PFKFB4: variants seen among roughly 807,000 people sequenced by gnomAD.
PFKFB4 encodes the protein 6-phosphofructo-2-kinase/fructose-2,6-biphosphatase 4.
PFKFB4 carries 42 observed loss-of-function variants against 62.8 expected under a neutral mutation model. The ratio of observed to expected loss-of-function variants is 0.67; its 90% CI spans 0.52 to 0.86. The LOEUF is 0.86. Ranked by LOEUF, PFKFB4 falls within the 40% of genes least tolerant of loss-of-function variation. The probability of loss-of-function intolerance (pLI) is 0.00; values close to 1 mark genes in which losing one functional copy is unlikely to be tolerated. For missense variants in PFKFB4, 475 were observed against 627.2 expected, an observed-to-expected ratio of 0.76 and a Z score of 2.59; for synonymous variants, 204 against 240.7, an observed-to-expected ratio of 0.85 and a Z score of 1.41.
At chr3:48,539,360 A>G in intron 5 of PFKFB4, 50 bp from the exon 6 acceptor site, 1 of 1,500,754 alleles carries the variant, frequency 6.7e-7, no homozygotes, top group South Asian at 1.1e-5. Context: ...GAACACGGAC[A>G]TGTTCAGGGC....
upstream of PFKFB4, among the ~76,000 whole-genome samples, chr3:48,560,201 GCA>G (rs1273678186): frequency 6.6e-6 from 1 of 151,876 alleles, no homozygotes; most frequent in Non-Finnish European, 1.5e-5. Flanking sequence ...ACACACAGAC[GCA>G]CACACACTCA....
At chr3:48,549,764 C>CA (rs2043074031) in intron 3 of PFKFB4, 100 bp downstream of exon 3, 2 of 779,622 alleles carry the variant, frequency 2.6e-6, no homozygotes, top group Non-Finnish European at 4.6e-6. Flanking sequence ...CCAGCAGCTC[C>CA]ACTCCAGGGG....
intron 3 of PFKFB4, among the ~76,000 whole-genome samples, chr3:48,546,085 C>T (rs572703664): frequency 7.2e-5 from 11 of 152,130 alleles, no homozygotes; most frequent in South Asian, 2.1e-4. Context: ...TGAATCCACA[C>T]GTGTGGGTGG....
At chr3:48,539,372 T>G in intron 5 of PFKFB4, 62 bp from the exon 6 acceptor site, 1 of 1,420,026 alleles carries the variant, frequency 7.0e-7, no homozygotes, top group Non-Finnish European at 9.9e-7. Context: ...GTTCAGGGCC[T>G]CCCGCCTTGC....
chr3:48,546,759 CT>C (rs1385080744), intron 3 of PFKFB4, among the ~76,000 whole-genome samples: 1 of 152,240 alleles, frequency 6.6e-6, no homozygotes, highest in Non-Finnish European at 1.5e-5. Flanking sequence ...TGATTATCTG[CT>C]TTCCTTCTGG....
intron 4 of PFKFB4, 99 bp downstream of exon 4, chr3:48,543,481 A>G: frequency 1.8e-6 from 2 of 1,133,664 alleles, no homozygotes; most frequent in Admixed American, 2.0e-5. Flanking sequence ...TGGGGCACAC[A>G]CACCCTGCCT....
chr3:48,542,232 G>C (rs898056768), intron 4 of PFKFB4, among the ~76,000 whole-genome samples: 1 of 151,622 alleles, frequency 6.6e-6, no homozygotes, highest in Non-Finnish European at 1.5e-5. Flanking sequence ...TACTCAGGAC[G>C]CTGAGGCAGG....
intron 6 of PFKFB4, among the ~76,000 whole-genome samples, chr3:48,539,048 G>C (rs1000174218): frequency 6.6e-6 from 1 of 152,130 alleles, no homozygotes; most frequent in East Asian, 1.9e-4. Flanking sequence ...GTGGTTACGA[G>C]GCGGAGGTGG....
rs1201329525 is a variant in PFKFB4, at chr3:48,538,568, T to C, written c.562A>G (p.Thr188Ala). 6.2e-7 allele frequency: 1 copy of C among 1,614,212 alleles called. No homozygotes were observed. Among genetic ancestry groups the C allele is most frequent in the Non-Finnish European group, 8.5e-7 (1 of 1,180,038 alleles). Residue 188 changes from threonine to alanine, a missense_variant, in exon 7 of 14, where the codon ACG becomes GCG. Physicochemically the swap from Thr to Ala is moderately conservative, Grantham distance 58. Coordinates refer to ENST00000232375, the MANE Select transcript of PFKFB4 (RefSeq NM_004567.4). ...TCAATGCGCCTCATGAAGTCCTCCGTAGCCTCATCACTGTCGCGGTTGACA... is the reference window on the plus strand; with the variant it reads ...TCAATGCGCCTCATGAAGTCCTCCGCAGCCTCATCACTGTCGCGGTTGACA... ...DYVNRDSDEA[T>A]EDFMRRIECY... is the part of the protein sequence containing the mutation.
chr3:48,545,637 T>TA (rs993235349), intron 3 of PFKFB4, among the ~76,000 whole-genome samples: 4 of 143,936 alleles, frequency 2.8e-5, no homozygotes, highest in African/African-American at 1.0e-4. Context: ...CTTTCTTTTG[T>TA]TTTTTTTTTT....
At chr3:48,538,846 A>T (rs2042712142) in intron 6 of PFKFB4, among the ~76,000 whole-genome samples, 1 of 152,176 alleles carries the variant, frequency 6.6e-6, no homozygotes, top group Non-Finnish European at 1.5e-5. Context: ...GAAGTCCCTC[A>T]TCCTTGTGGT....
rs1000727868 is a variant in PFKFB4, at chr3:48,539,223, A to T, written c.510+31T>A. On this transcript the variant is annotated intron_variant, in intron 6 of 13. Coordinates refer to ENST00000232375, the MANE Select transcript of PFKFB4 (RefSeq NM_004567.4). ...AAAAGGGATGTCCCTGTCACACACG[A>T]CCTTCTGACAAGGTCAGATGCACTA... is the stretch of plus-strand genomic sequence containing the variant. The T allele has an allele frequency of 2.6e-6, 4 of 1,562,148 alleles. No individual in the cohort carries two copies. In the African/African-American group the frequency reaches 4.1e-5, roughly 16 times the overall value.
At chr3:48,528,131 T>C (rs1028231013) in intron 9 of PFKFB4, among the ~76,000 whole-genome samples, 1 of 152,046 alleles carries the variant, frequency 6.6e-6, no homozygotes, top group South Asian at 2.1e-4. Flanking sequence ...ATCCATGTTA[T>C]AAAGTGGCAG....
intron 6 of PFKFB4, 62 bp from the exon 7 acceptor site, chr3:48,538,681 C>T (rs1034807155): frequency 1.9e-6 from 3 of 1,607,630 alleles, no homozygotes; most frequent in Non-Finnish European, 2.5e-6. Context: ...GGGCCAGAGA[C>T]CAAGGAGACT....
Position 48,521,997 on chromosome 3 carries a change from C to T in PFKFB4, c.1339G>A (p.Asp447Asn), listed in dbSNP as rs760177563. The change falls in exon 13 of 14, where the codon GAC becomes AAC. Residue 447 changes from aspartate (D) to asparagine (N), a missense_variant. Physicochemically the swap from Asp to Asn is conservative, Grantham distance 23 (BLOSUM62 1). Transcript: ENST00000232375. The surrounding 1 kb of genome is among the most constrained non-coding windows in gnomAD (Gnocchi z 5.3). ...GACCCCATTGCTACCTGAGGCCTGT[C>T]CCGGTGCGTGTTCACAGCAGCCACG... ...LNVAAVNTHRDRPQNVDISRP... is the reference protein window; with the variant it reads ...LNVAAVNTHRNRPQNVDISRP... 18 of 1,614,104 alleles carry T rather than the reference C, an allele frequency of 1.1e-5. No individual in the cohort carries two copies. Among genetic ancestry groups the T allele is most frequent in the Admixed American group, 1.7e-5 (1 of 60,026 alleles).
chr3:48,529,133 G>A (rs1184310315), intron 9 of PFKFB4, among the ~76,000 whole-genome samples: 1 of 152,020 alleles, frequency 6.6e-6, no homozygotes. Context: ...CACCTCCTGG[G>A]TTCAAGTGAT....
At chr3:48,537,892 T>G (rs1253727133) in intron 7 of PFKFB4, among the ~76,000 whole-genome samples, 2 of 152,166 alleles carry the variant, frequency 1.3e-5, no homozygotes, top group Non-Finnish European at 2.9e-5. Flanking sequence ...TTTCACTGAA[T>G]GCAATATTAT....
In PFKFB4 at chr3:48,556,222, C is replaced by T. The variant is rs934998261; in HGVS notation, c.97+459G>A. ...TTCCTCCTGTTGGAAAACTAGCCCACCTTTGAAAGTTCTGGGCTCAGAGAG... is the reference window on the plus strand; with the variant it reads ...TTCCTCCTGTTGGAAAACTAGCCCATCTTTGAAAGTTCTGGGCTCAGAGAG... On this transcript the variant is annotated intron_variant, in intron 1 of 13. Transcript: ENST00000232375. The surrounding 1 kb of genome is among the most constrained non-coding windows in gnomAD (Gnocchi z 5.7). The T allele has an allele frequency of 3.2e-5, 15 of 462,298 alleles. No homozygotes were observed. Among genetic ancestry groups the T allele is most frequent in the Non-Finnish European group, 5.2e-5 (12 of 231,052 alleles). The allele number at this position is 462,298 out of a possible 1,614,324, so 28.6% of individuals were successfully genotyped here. A position where few individuals can be genotyped will look rare whatever the true frequency, so the allele number is the denominator to read the frequency against.
upstream of PFKFB4, chr3:48,561,165 G>A: frequency 9.2e-7 from 1 of 1,084,786 alleles, no homozygotes; most frequent in African/African-American, 1.6e-5. The surrounding 1 kb of genome is among the most constrained non-coding windows in gnomAD (Gnocchi z 5.2). Flanking sequence ...TCCAGAGTGG[G>A]GTAACCCCGC....
Sources: gnomAD v4.1 joint callset for allele counts (sites outside exome capture counted in the v4.1 genomes callset) on GRCh38, gnomAD v4.1.1 for gene constraint, Gnocchi (gnomAD v3.1) non-coding constraint, MANE v1.5 for transcripts, NCBI Gene and HGNC (gene_info 2026-07-23, HGNC 2026-07-21) for gene names.